The following TFAP2A variants were observed in gnomAD, a reference collection of about 807,000 sequenced individuals.
TFAP2A encodes transcription factor AP-2 alpha.
A neutral mutation model predicts 41.5 loss-of-function variants in TFAP2A; 7 were observed. The ratio of observed to expected loss-of-function variants is 0.17; its 90% CI spans 0.10 to 0.32. The LOEUF (loss-of-function observed/expected upper bound fraction) is 0.32, where lower values mean the gene tolerates loss of function less well. Ranked by LOEUF, TFAP2A falls within the 10% of genes least tolerant of loss-of-function variation. TFAP2A has a pLI of 1.00. For missense variants in TFAP2A, 416 were observed against 563.3 expected (o/e 0.74, Z 2.65); for synonymous variants, 247 against 242.8 (o/e 1.02, Z -0.16).
chr6:10,404,440 G>A (rs1020340387), intron 4 of TFAP2A, 68 bp downstream of exon 4: 11 of 1,168,886 alleles, frequency 9.4e-6, no homozygotes, highest in South Asian at 2.6e-5. Context: ...CGCCGCCACC[G>A]CCCCGGCGCA....
In TFAP2A at chr6:10,408,511, A is replaced by G. The variant is rs577665887; in HGVS notation, c.486+1390T>C. On this transcript the variant is annotated intron_variant, in intron 2 of 6. Coordinates refer to ENST00000379613, the MANE Select transcript of TFAP2A (RefSeq NM_001372066.1). ...AGAGTGCTTTGGGAAAGGGAACTAA[A>G]ATAATCATAACTCCCAGTTCATGTT... Among the ~76,000 whole-genome samples the G allele has an allele frequency of 5.9e-5, 9 of 152,370 alleles. No individual in the cohort carries two copies. The East Asian group carries it at 1.3e-3, about 23-fold the overall frequency.
At chr6:10,410,733 T>G (rs1757926429) in intron 1 of TFAP2A, 1 of 201,262 alleles carries the variant, frequency 5.0e-6, no homozygotes, top group Non-Finnish European at 1.0e-5. Context: ...GCGTTATTGT[T>G]TATTCTCTTC....
At chr6:10,409,106 A>T (rs998665891) in intron 2 of TFAP2A, 2 of 152,268 alleles carry the variant, frequency 1.3e-5, no homozygotes, top group African/African-American at 4.8e-5. Flanking sequence ...AGTATTTTCA[A>T]ATTATCAATA....
At chr6:10,404,450 A>T in intron 4 of TFAP2A, 58 bp downstream of exon 4, 2 of 1,276,902 alleles carry the variant, frequency 1.6e-6, no homozygotes, top group Non-Finnish European at 2.0e-6. Flanking sequence ...GCCCCGGCGC[A>T]AGCGCAGTGG....
chr6:10,401,872 G>A (rs182385805), intron 5 of TFAP2A, among the ~76,000 whole-genome samples: 1 of 152,182 alleles, frequency 6.6e-6, no homozygotes, highest in Admixed American at 6.5e-5. Context: ...TTTTTGTTTT[G>A]AGGCATTTGG....
chr6:10,404,213 C>G (rs1757566420), intron 4 of TFAP2A, among the ~76,000 whole-genome samples: 1 of 152,184 alleles, frequency 6.6e-6, no homozygotes, highest in South Asian at 2.1e-4. Flanking sequence ...GCTGCGCTTG[C>G]GCGAGGAGGA....
chr6:10,405,530 A>G (rs1757671790), intron 3 of TFAP2A: 2 of 152,090 alleles, frequency 1.3e-5, no homozygotes, highest in Non-Finnish European at 2.9e-5. Context: ...AAGTGGGTAT[A>G]TATACTTCCT....
chr6:10,411,793 T>A, intron 1 of TFAP2A: 2 of 1,446,536 alleles, frequency 1.4e-6, no homozygotes, highest in South Asian at 3.0e-5. Flanking sequence ...AACCACCGAT[T>A]CGCGCGGCGC....
chr6:10,416,437 A>AAAG (rs1554113495), upstream of TFAP2A: 1 of 151,658 alleles, frequency 6.6e-6, no homozygotes, highest in Non-Finnish European at 1.5e-5. Context: ...AAGAAAAAAA[A>AAAG]AAAAGAAAAG....
intron 2 of TFAP2A, 175 bp from the exon 3 acceptor site, chr6:10,407,019 C>G: frequency 1.5e-6 from 1 of 650,640 alleles, no homozygotes; most frequent in East Asian, 2.7e-5. Context: ...CTTTGCAACT[C>G]AAGAGGTTTC....
At chr6:10,419,428 C>G (rs780973352), upstream of TFAP2A, 1 of 1,614,180 alleles carries the variant, frequency 6.2e-7, no homozygotes, top group Admixed American at 1.7e-5. Flanking sequence ...CTGCCAGTCC[C>G]CCATTTTGGC....
intron 5 of TFAP2A, among the ~76,000 whole-genome samples, chr6:10,401,520 G>A (rs1330451728): frequency 3.3e-5 from 5 of 152,062 alleles, no homozygotes; most frequent in African/African-American, 1.2e-4. Context: ...CAAATATATG[G>A]TTTTAAACAT....
chr6:10,414,050 A>AG (rs1276719854), intron 1 of TFAP2A, among the ~76,000 whole-genome samples: 2 of 152,186 alleles, frequency 1.3e-5, no homozygotes, highest in Non-Finnish European at 2.9e-5. Flanking sequence ...CAAGAAGGCG[A>AG]GCTCAGGGGA....
At chr6:10,399,920 CTG>C (rs1215635445) in intron 6 of TFAP2A, among the ~76,000 whole-genome samples, 31 of 117,910 alleles carry the variant, frequency 2.6e-4, no homozygotes, top group African/African-American at 1.1e-3. Flanking sequence ...CTCTCTCTCT[CTG>C]TCTGTGTGTG....
intron 3 of TFAP2A, chr6:10,406,449 A>G (rs1203405898): frequency 2.8e-6 from 1 of 353,670 alleles, no homozygotes; most frequent in East Asian, 6.3e-5. Flanking sequence ...AGCATTATAC[A>G]CTTCTTAACC....
chr6:10,400,841 A>C (rs916572122), intron 5 of TFAP2A: 32 of 661,626 alleles, frequency 4.8e-5, no homozygotes, highest in African/African-American at 4.8e-4. Flanking sequence ...ACCAACCTCC[A>C]GTCCCATCCC....
Position 10,398,000 on chromosome 6 carries a change from T to C in TFAP2A, c.*417A>G. 1 of 1,062,504 alleles carries C rather than the reference T, an allele frequency of 9.4e-7. No homozygotes were observed. The highest frequency in any genetic ancestry group is 1.1e-6 in the Non-Finnish European group (1 of 876,958). The allele number at this position is 1,062,504 out of a possible 1,614,324, so 65.8% of individuals were successfully genotyped here. On this transcript the variant is annotated 3_prime_UTR_variant, in exon 7 of 7. Transcript: ENST00000379613. ...ACTCAGTCCCATGAAGCGCATATAA[T>C]TTTTTTTATTTTCACTTTTTTTTTA...
chr6:10,412,386 AAG>A (rs1181735948), intron 1 of TFAP2A: 30 of 730,756 alleles, frequency 4.1e-5, no homozygotes, highest in Non-Finnish European at 4.8e-5. Flanking sequence ...GTGAGAAAGA[AAG>A]TGTGGGCGAG....
At chr6:10,402,905 T>G (rs921145653) in intron 4 of TFAP2A, among the ~76,000 whole-genome samples, 1 of 152,210 alleles carries the variant, frequency 6.6e-6, no homozygotes, top group African/African-American at 2.4e-5. Context: ...CAGCCCCATC[T>G]CTAGGGTTTG....
Sources: gnomAD v4.1 joint callset for allele counts (sites outside exome capture counted in the v4.1 genomes callset) on GRCh38, gnomAD v4.1.1 for gene constraint, MANE v1.5 for transcripts, NCBI Gene and HGNC (gene_info 2026-07-23, HGNC 2026-07-21) for gene names.